PCDHGB1: variants seen among roughly 807,000 people sequenced by gnomAD.
PCDHGB1 encodes the protein protocadherin gamma-B1.
In PCDHGB1, 34 loss-of-function variants were observed where a neutral mutation model predicts 56.6. The observed-to-expected ratio is 0.60, with a 90% CI of 0.46 to 0.80. The LOEUF (loss-of-function observed/expected upper bound fraction) is 0.80. PCDHGB1 is among the 30% of genes least tolerant of loss of function. The pLI, the probability that PCDHGB1 is intolerant of heterozygous loss-of-function variation, is 0.00. For missense variants in PCDHGB1, 1,278 were observed against 1,204.6 expected, an observed-to-expected ratio of 1.06 and a Z score of -0.90; for synonymous variants, 561 against 505.9, an observed-to-expected ratio of 1.11 and a Z score of -1.46.
chr5:141,393,657 C>G, intron 1 of PCDHGB1: 1 of 1,613,862 alleles, frequency 6.2e-7, no homozygotes, highest in Non-Finnish European at 8.5e-7. Context: ...ATACAAATTC[C>G]GGAAAATTAA....
At chr5:141,459,499 G>A (rs2098968854) in intron 1 of PCDHGB1, among the ~76,000 whole-genome samples, 1 of 152,172 alleles carries the variant, frequency 6.6e-6, no homozygotes, top group Non-Finnish European at 1.5e-5. Context: ...TTAAAGTGAT[G>A]TGAACAATCA....
chr5:141,436,659 G>A (rs771567212), intron 1 of PCDHGB1, among the ~76,000 whole-genome samples: 3 of 152,136 alleles, frequency 2.0e-5, no homozygotes, highest in Non-Finnish European at 2.9e-5. Flanking sequence ...GCCATTTTTA[G>A]TGGTTGACCA....
chr5:141,476,951 A>C lies in PCDHGB1; in HGVS notation c.2410-17856A>C. On this transcript the variant is annotated intron_variant, in intron 1 of 3. Coordinates refer to ENST00000523390, the MANE Select transcript of PCDHGB1 (RefSeq NM_018922.3). The surrounding 1 kb of genome is among the most constrained non-coding windows in gnomAD (Gnocchi z 7.6). ...TCTGGATGAAGGCCCCAACGGTGAA[A>C]TTATTTACTCCTTCGGCAGCCACAA... 6.2e-7 allele frequency: 1 copy of C among 1,614,184 alleles called. No individual in the cohort carries two copies. Among genetic ancestry groups the C allele is most frequent in the South Asian group, 1.1e-5 (1 of 91,088 alleles).
At chr5:141,463,296 C>T (rs1194250577) in intron 1 of PCDHGB1, among the ~76,000 whole-genome samples, 1 of 151,986 alleles carries the variant, frequency 6.6e-6, no homozygotes, top group African/African-American at 2.4e-5. Flanking sequence ...CTCCTAATCT[C>T]CCCAAACTCT....
At chr5:141,375,105 A>C (rs371346343) in intron 1 of PCDHGB1, 14 of 1,613,840 alleles carry the variant, frequency 8.7e-6, no homozygotes, top group African/African-American at 2.7e-5. Context: ...TTGGATGTCA[A>C]TGATAATGTA....
rs928847931 is a variant in PCDHGB1 at position 141,385,514 on chromosome 5, G to A, written c.2409+32845G>A. 5 of 1,363,488 alleles carry A rather than the reference G, an allele frequency of 3.7e-6. No homozygotes were observed. The African/African-American group carries it at 5.9e-5, about 16-fold the overall frequency. The allele number at this position is 1,363,488 out of a possible 1,614,324, so 84.5% of individuals were successfully genotyped here. ...AGGATATAGTATTTCTTTAGTGAAA[G>A]CCTATGGACAAGATTATGAATATGT... is the stretch of plus-strand genomic sequence containing the variant. On this transcript the variant is annotated intron_variant, in intron 1 of 3. Transcript: ENST00000523390.
intron 1 of PCDHGB1, among the ~76,000 whole-genome samples, chr5:141,353,611 A>C (rs1166298432): frequency 6.6e-6 from 1 of 152,172 alleles, no homozygotes; most frequent in Non-Finnish European, 1.5e-5. Context: ...ACCATTCCTA[A>C]ATTATTTGTT....
intron 1 of PCDHGB1, chr5:141,384,316 T>C (rs1779949710): frequency 6.2e-7 from 1 of 1,613,858 alleles, no homozygotes; most frequent in Non-Finnish European, 8.5e-7. Context: ...CTCCATTTTC[T>C]TAGTGACTGC....
chr5:141,454,228 T>C (rs6896225), intron 1 of PCDHGB1, among the ~76,000 whole-genome samples: 1,935 of 152,208 alleles, frequency 0.013, 54 homozygotes, highest in African/African-American at 0.044. Flanking sequence ...AAAGTAATTG[T>C]GATGAAAAGG....
At chr5:141,470,682 T>C (rs2099236741) in intron 1 of PCDHGB1, among the ~76,000 whole-genome samples, 1 of 152,138 alleles carries the variant, frequency 6.6e-6, no homozygotes, top group Non-Finnish European at 1.5e-5. Flanking sequence ...TGTTACCATC[T>C]TGAAATTCTT....
chr5:141,457,676 A>G (rs1380484149), intron 1 of PCDHGB1, among the ~76,000 whole-genome samples: 2 of 152,240 alleles, frequency 1.3e-5, no homozygotes, highest in East Asian at 3.8e-4. Flanking sequence ...TTATTTCTAC[A>G]TAGGACTTTT....
intron 1 of PCDHGB1, among the ~76,000 whole-genome samples, chr5:141,382,554 T>C (rs1388983108): frequency 6.6e-6 from 1 of 152,216 alleles, no homozygotes; most frequent in African/African-American, 2.4e-5. Flanking sequence ...CAGGGATATC[T>C]AGAGCAAAGA....
chr5:141,478,213 C>A (rs2099439229), intron 1 of PCDHGB1: 1 of 1,614,000 alleles, frequency 6.2e-7, no homozygotes, highest in Non-Finnish European at 8.5e-7. Context: ...TTTCTCTAAT[C>A]CTGGTTTCTG....
intron 1 of PCDHGB1, chr5:141,383,504 G>T (rs373658496): frequency 6.2e-7 from 1 of 1,612,766 alleles, no homozygotes; most frequent in South Asian, 1.1e-5. Context: ...GTGCTGGACC[G>T]GGAGGAAGAG....
In PCDHGB1 at chr5:141,431,326, T is replaced by G. The variant is rs1486136293; in HGVS notation, c.2410-63481T>G. 6.2e-7 allele frequency: 1 copy of G among 1,614,046 alleles called. No individual in the cohort carries two copies. Among genetic ancestry groups the G allele is most frequent in the Non-Finnish European group, 8.5e-7 (1 of 1,180,018 alleles). On this transcript the variant is annotated intron_variant, in intron 1 of 3. Transcript: ENST00000523390. This position sits in a 1 kb window ranked among gnomAD's most constrained non-coding sequence, Gnocchi z 4.8. Reference sequence around the variant, plus strand: ...TCGTGCAAAATGGAGCCGACGGTAGTAAGTACCCCGAATTGGTGCTGAAAC... The same window carrying G: ...TCGTGCAAAATGGAGCCGACGGTAGGAAGTACCCCGAATTGGTGCTGAAAC...
In PCDHGB1 at chr5:141,350,375, C is replaced by G. The variant is rs372561158; in HGVS notation, c.115C>G (p.Leu39Val). Reference protein sequence around the residue: ...QQIRYTIPEELANGSRVGKLA... With the variant: ...QQIRYTIPEEVANGSRVGKLA... The stretch of plus-strand genomic sequence containing the variant: ...GATCCGATACACGATTCCAGAGGAG[C>G]TAGCCAACGGCTCACGGGTGGGGAA... Residue 39 changes from leucine to valine, a missense_variant, in exon 1 of 4, where the codon CTA becomes GTA. Transcript: ENST00000523390. 1.1e-4 allele frequency: 168 copies of G among 1,585,544 alleles called. No individual in the cohort carries two copies. Among genetic ancestry groups the G allele is most frequent in the Non-Finnish European group, 1.4e-4 (164 of 1,164,180 alleles).
chr5:141,353,966 T>C (rs540808482), intron 1 of PCDHGB1, among the ~76,000 whole-genome samples: 1 of 152,356 alleles, frequency 6.6e-6, no homozygotes, highest in Admixed American at 6.5e-5. Context: ...GCTTAAGAAC[T>C]GATGTACTGC....
chr5:141,362,306 G>A, intron 1 of PCDHGB1: 1 of 1,614,050 alleles, frequency 6.2e-7, no homozygotes, highest in Non-Finnish European at 8.5e-7. Context: ...TCAGATGCTT[G>A]GGACTGTTTT....
At chr5:141,355,779 G>C (rs762969886) in intron 1 of PCDHGB1, 1 of 1,613,716 alleles carries the variant, frequency 6.2e-7, no homozygotes, top group East Asian at 2.2e-5. Context: ...AGTACCCAGA[G>C]CTGGTGCTGG....
Sources: allele counts gnomAD v4.1 joint callset (sites outside exome capture counted in the v4.1 genomes callset), GRCh38; gene constraint gnomAD v4.1.1; non-coding constraint Gnocchi (gnomAD v3.1); transcripts MANE v1.5; gene names NCBI Gene and HGNC (gene_info 2026-07-23, HGNC 2026-07-21).